NIM1K: variants seen among roughly 807,000 people sequenced by gnomAD.
NIM1K encodes serine/threonine-protein kinase NIM1.
NIM1K carries 35 observed loss-of-function variants against 37.1 expected under a neutral mutation model. The observed-to-expected ratio is 0.94, with a 90% CI of 0.72 to 1.25. NIM1K has a LOEUF of 1.25. NIM1K is among the 50% of genes most tolerant of loss of function. The probability of loss-of-function intolerance (pLI) is 0.00; values close to 1 mark genes in which losing one functional copy is unlikely to be tolerated. For missense variants in NIM1K, 564 were observed against 548.0 expected (o/e 1.03, Z -0.29); for synonymous variants, 234 against 206.6 (o/e 1.13, Z -1.14).
At chr5:43,228,949 T>TAACA (rs1301010020) in intron 1 of NIM1K, among the ~76,000 whole-genome samples, 1 of 152,236 alleles carries the variant, frequency 6.6e-6, no homozygotes, top group Non-Finnish European at 1.5e-5. Context: ...AAATTTAGAT[T>TAACA]AACAGTATTA....
chr5:43,274,224 T>C (rs1753304383), intron 2 of NIM1K, among the ~76,000 whole-genome samples: 5 of 151,932 alleles, frequency 3.3e-5, no homozygotes, highest in Admixed American at 2.6e-4. Flanking sequence ...CTAAGAACCA[T>C]GAAAGGAAAG....
intron 1 of NIM1K, chr5:43,233,035 T>G: frequency 7.9e-7 from 1 of 1,266,856 alleles, no homozygotes; most frequent in Non-Finnish European, 1.2e-6. Flanking sequence ...GTTGAAGGAG[T>G]CATCTCCTCC....
intron 2 of NIM1K, among the ~76,000 whole-genome samples, chr5:43,252,427 C>T (rs1002329214): frequency 1.4e-4 from 21 of 152,170 alleles, no homozygotes; most frequent in Non-Finnish European, 3.1e-4. Flanking sequence ...ACAAATATGG[C>T]CCCCACACCA....
intron 1 of NIM1K, among the ~76,000 whole-genome samples, chr5:43,224,200 G>A (rs558596826): frequency 2.0e-5 from 3 of 151,820 alleles, no homozygotes; most frequent in African/African-American, 7.2e-5. Context: ...CACCGCACCC[G>A]GCCTATTTTC....
At position 43,277,251 on chromosome 5, in the gene NIM1K, A is replaced by G. The variant is rs779441783; in HGVS notation, c.487A>G (p.Ser163Gly). Residue 163 changes from serine (S) to glycine (G), a missense_variant, in exon 3 of 4, where the codon AGC becomes GGC. Transcript: ENST00000326035. Reference sequence around the variant, plus strand: ...GGGTGGGGAGCTCTTCGGAAAAATTAGCACTGAGGGGAAGCTCTCTGAACC... The same window carrying G: ...GGGTGGGGAGCTCTTCGGAAAAATTGGCACTGAGGGGAAGCTCTCTGAACC... ...AGGGELFGKISTEGKLSEPES... is the reference protein window; with the variant it reads ...AGGGELFGKIGTEGKLSEPES... The G allele has an allele frequency of 3.7e-6, 6 of 1,614,030 alleles. No homozygotes were observed. The highest frequency in any genetic ancestry group is 5.1e-6 in the Non-Finnish European group (6 of 1,180,028).
chr5:43,252,516 A>G (rs1412699167), intron 2 of NIM1K, among the ~76,000 whole-genome samples: 1 of 152,066 alleles, frequency 6.6e-6, no homozygotes, highest in East Asian at 1.9e-4. Flanking sequence ...GGAGATTCCC[A>G]GGAAAGCAGA....
chr5:43,226,094 T>C (rs1419675155), intron 1 of NIM1K, among the ~76,000 whole-genome samples: 1 of 152,210 alleles, frequency 6.6e-6, no homozygotes, highest in Non-Finnish European at 1.5e-5. Flanking sequence ...GAGACCAGCA[T>C]GGCTGGAGTG....
chr5:43,230,247 T>C (rs1752518235), intron 1 of NIM1K, among the ~76,000 whole-genome samples: 1 of 152,106 alleles, frequency 6.6e-6, no homozygotes, highest in South Asian at 2.1e-4. Flanking sequence ...GTGATGGGTT[T>C]AGGCTCCTTC....
intron 2 of NIM1K, among the ~76,000 whole-genome samples, chr5:43,251,513 T>C (rs1752866200): frequency 6.6e-6 from 1 of 152,154 alleles, no homozygotes; most frequent in African/African-American, 2.4e-5. Context: ...TGTCCCAAGG[T>C]TTAGAACCTG....
rs1205365939 is a variant in NIM1K, at chr5:43,280,271, G to A, written c.853G>A (p.Glu285Lys). ...GGCCAAACTAAAAAAGAGCATCCTC[G>A]AGGGCACATACAGTGTACCGCCGCA... ...TVAKLKKSIL[E>K]GTYSVPPHVS... Residue 285 changes from glutamate (E) to lysine (K), a missense_variant, in exon 4 of 4, where the codon GAG becomes AAG. Glu to Lys is a moderately conservative substitution (Grantham distance 56). Transcript: ENST00000326035. 2.5e-6 allele frequency: 4 copies of A among 1,614,114 alleles called. No homozygotes were observed. The highest frequency in any genetic ancestry group is 3.4e-6 in the Non-Finnish European group (4 of 1,180,024).
rs573614427 is a variant in NIM1K at position 43,192,419 on chromosome 5, AG to A, written c.-695+12del. 6.6e-6 allele frequency: 1 copy of A among 152,326 alleles called. No individual in the cohort carries two copies. The highest frequency in any genetic ancestry group is 1.5e-5 in the Non-Finnish European group (1 of 68,174). The allele number at this position is 152,326 out of a possible 1,614,324, so 9.4% of individuals were successfully genotyped here. ...GCTGGCCTCGCCACGAAGGTAAGCG[AG>A]GGGCTGGGGGACTCGCCGCCAGCAC... is the stretch of plus-strand genomic sequence containing the variant. On this transcript the variant is annotated intron_variant, in intron 1 of 3. Coordinates refer to ENST00000326035, the MANE Select transcript of NIM1K (RefSeq NM_153361.4).
chr5:43,257,950 G>A (rs897214444), intron 2 of NIM1K, among the ~76,000 whole-genome samples: 14 of 151,778 alleles, frequency 9.2e-5, no homozygotes, highest in African/African-American at 3.4e-4. Context: ...TATGTTTAAC[G>A]CATATCAATA....
intron 1 of NIM1K, among the ~76,000 whole-genome samples, chr5:43,214,057 G>C (rs1182307495): frequency 6.8e-6 from 1 of 147,320 alleles, no homozygotes; most frequent in Non-Finnish European, 1.5e-5. Flanking sequence ...CTCCCACCTC[G>C]GCCTCCCAAA....
chr5:43,269,926 G>A (rs188498685), intron 2 of NIM1K, among the ~76,000 whole-genome samples: 1 of 152,202 alleles, frequency 6.6e-6, no homozygotes, highest in African/African-American at 2.4e-5. Flanking sequence ...CCATGTGTGT[G>A]TGTTATTGTT....
intron 3 of NIM1K, among the ~76,000 whole-genome samples, chr5:43,277,738 G>A (rs1753367634): frequency 6.7e-6 from 1 of 149,010 alleles, no homozygotes; most frequent in Admixed American, 6.7e-5. Flanking sequence ...TTCATGCCCA[G>A]CTTGGTTCTC....
intron 1 of NIM1K, among the ~76,000 whole-genome samples, chr5:43,224,314 C>A (rs1441549247): frequency 6.6e-6 from 1 of 151,918 alleles, no homozygotes; most frequent in Non-Finnish European, 1.5e-5. Context: ...AAGTACAGTT[C>A]ATTTGTACAA....
At chr5:43,215,166 G>A (rs1752282081) in intron 1 of NIM1K, among the ~76,000 whole-genome samples, 1 of 152,092 alleles carries the variant, frequency 6.6e-6, no homozygotes, top group Non-Finnish European at 1.5e-5. Flanking sequence ...AAAAATACCG[G>A]GTCAATTAGC....
At chr5:43,249,848 T>A (rs1006245580) in intron 2 of NIM1K, among the ~76,000 whole-genome samples, 1 of 137,248 alleles carries the variant, frequency 7.3e-6, no homozygotes, top group Non-Finnish European at 1.6e-5. Context: ...ATGTATGGAT[T>A]AGTTTTTTTT....
chr5:43,275,253 TAA>T (rs1753321145), intron 2 of NIM1K, among the ~76,000 whole-genome samples: 1 of 152,222 alleles, frequency 6.6e-6, no homozygotes, highest in Non-Finnish European at 1.5e-5. Context: ...TATTAATAAA[TAA>T]GTTAGCATCA....
Sources: gnomAD v4.1 joint callset for allele counts (sites outside exome capture counted in the v4.1 genomes callset) on GRCh38, gnomAD v4.1.1 for gene constraint, MANE v1.5 for transcripts, NCBI Gene and HGNC (gene_info 2026-07-23, HGNC 2026-07-21) for gene names.